TGFBR3: variants seen among roughly 807,000 people sequenced by gnomAD.
TGFBR3 encodes transforming growth factor beta receptor type 3.
A neutral mutation model predicts 87.9 loss-of-function variants in TGFBR3; 46 were observed. That is an observed-to-expected ratio of 0.52 (90% confidence interval 0.41 to 0.67). TGFBR3 has a LOEUF of 0.67. TGFBR3 is among the 30% of genes least tolerant of loss of function. The pLI is 0.00. For synonymous variants in TGFBR3, 381 were observed against 391.6 expected, an observed-to-expected ratio of 0.97 and a Z score of 0.32; for missense variants, 866 against 1,041.9, an observed-to-expected ratio of 0.83 and a Z score of 2.32.
intron 4 of TGFBR3, among the ~76,000 whole-genome samples, chr1:91,735,567 T>C (rs1249168890): frequency 6.6e-6 from 1 of 152,248 alleles, no homozygotes; most frequent in Non-Finnish European, 1.5e-5. Context: ...TGTAACAGTT[T>C]ATTGTGTAAG....
chr1:91,689,840 TAAA>T lies in TGFBR3; in HGVS notation c.2437+5829_2437+5831del, dbSNP rs545760131. On this transcript the variant is annotated intron_variant, in intron 16 of 16. Transcript: ENST00000212355. Reference sequence around the variant, plus strand: ...CAAGGACTCCCTTTAAGAAACTGATTAAAAAAAAAAAAAAAAAAAAAAAAGCAA... The same window carrying T: ...CAAGGACTCCCTTTAAGAAACTGATTAAAAAAAAAAAAAAAAAAAAAGCAA... Among the ~76,000 whole-genome samples, 825 of 99,234 alleles carry T rather than the reference TAAA, an allele frequency of 8.3e-3. 9 individuals carry two copies. Among genetic ancestry groups the T allele is most frequent in the African/African-American group, 0.027 (742 of 27,364 alleles). 65.1% of individuals were successfully genotyped at this position (99,234 alleles called of 152,430 possible).
chr1:91,699,728 G>C lies in TGFBR3; in HGVS notation c.2288-1598C>G, dbSNP rs144795485. 3.5e-3 allele frequency among the ~76,000 whole-genome samples: 529 copies of C among 152,298 alleles called. 7 individuals carry two copies. Among genetic ancestry groups the C allele is most frequent in the Non-Finnish European group, 1.8e-3 (124 of 68,020 alleles). On this transcript the variant is annotated intron_variant, in intron 14 of 16. Coordinates refer to ENST00000212355, the MANE Select transcript of TGFBR3 (RefSeq NM_003243.5). ...CTGATATCGTGTGACTAGAGCCCAA[G>C]GTCACAGCTGGAAAGCATCAGGGCA...
At chr1:91,839,324 A>G (rs1677182439) in intron 2 of TGFBR3, among the ~76,000 whole-genome samples, 1 of 152,150 alleles carries the variant, frequency 6.6e-6, no homozygotes, top group Non-Finnish European at 1.5e-5. Context: ...CTTCTTTACT[A>G]TTACACCTAA....
upstream of TGFBR3, among the ~76,000 whole-genome samples, chr1:91,890,577 G>A (rs1381868691): frequency 6.6e-6 from 1 of 151,540 alleles, no homozygotes; most frequent in East Asian, 1.9e-4. Flanking sequence ...ACGCCACCAC[G>A]CCCTGCTAAT....
chr1:91,804,199 C>T (rs567895657), intron 2 of TGFBR3, among the ~76,000 whole-genome samples: 50 of 152,262 alleles, frequency 3.3e-4, no homozygotes, highest in Admixed American at 5.2e-4. Context: ...AAAACACCAA[C>T]CATGAAATGA....
intron 1 of TGFBR3, among the ~76,000 whole-genome samples, chr1:91,867,811 C>G (rs1390759749): frequency 6.6e-6 from 1 of 152,152 alleles, no homozygotes; most frequent in Non-Finnish European, 1.5e-5. Context: ...GTCATTTAGC[C>G]CCTACCACGC....
chr1:91,900,260 T>A (rs1679683367), intron 1 of TGFBR3, among the ~76,000 whole-genome samples: 1 of 152,112 alleles, frequency 6.6e-6, no homozygotes, highest in Admixed American at 6.6e-5. Context: ...ACTACAGGCG[T>A]GTGCCACCAC....
At chr1:91,903,624 G>A (rs975034408) in intron 1 of TGFBR3, among the ~76,000 whole-genome samples, 4 of 151,846 alleles carry the variant, frequency 2.6e-5, no homozygotes, top group African/African-American at 9.7e-5. Flanking sequence ...GTCTCTGCAG[G>A]TACTTGGGAG....
Position 91,871,266 on chromosome 1 carries a change from G to A in TGFBR3, c.-113-9622C>T, listed in dbSNP as rs542099533. The stretch of plus-strand genomic sequence containing the variant: ...CCTGCATGGACACTCACTTTCTGGT[G>A]GTGGGTAGTCTGATGAGATCTGGCA... On this transcript the variant is annotated intron_variant, in intron 1 of 16. Transcript: ENST00000212355. Among the ~76,000 whole-genome samples the A allele has an allele frequency of 2.0e-5, 3 of 152,302 alleles. No individual in the cohort carries two copies. The South Asian group carries it at 6.2e-4, about 32-fold the overall frequency.
At chr1:91,773,451 G>A (rs971486841) in intron 3 of TGFBR3, among the ~76,000 whole-genome samples, 17 of 152,134 alleles carry the variant, frequency 1.1e-4, no homozygotes, top group African/African-American at 3.4e-4. Flanking sequence ...AGGCCAAGGC[G>A]GGCAGATCAC....
intron 3 of TGFBR3, among the ~76,000 whole-genome samples, chr1:91,760,649 G>A (rs893428144): frequency 1.3e-5 from 2 of 152,144 alleles, no homozygotes; most frequent in East Asian, 3.9e-4. Flanking sequence ...TCTGCACACA[G>A]CTAGGATCAT....
At chr1:91,885,365 G>C (rs1012588248) in intron 1 of TGFBR3, among the ~76,000 whole-genome samples, 1 of 137,932 alleles carries the variant, frequency 7.2e-6, no homozygotes, top group African/African-American at 2.7e-5. Flanking sequence ...ACCGGGGCGG[G>C]GGGGGGCCGA....
chr1:91,861,525 A>C lies in TGFBR3; in HGVS notation c.7T>G (p.Ser3Ala). The change falls in exon 2 of 17, where the codon TCC becomes GCC. Residue 3 changes from serine to alanine, a missense_variant. Transcript: ENST00000212355. ...GCAAAGATGGCAATCACATAATGGGAAGTCATTTTTATTTCTCCAACAGTG... is the reference window on the plus strand; with the variant it reads ...GCAAAGATGGCAATCACATAATGGGCAGTCATTTTTATTTCTCCAACAGTG... MT[S>A]HYVIAIFALM... The C allele has an allele frequency of 6.2e-7, 1 of 1,613,686 alleles. No homozygotes were observed.
intron 12 of TGFBR3, among the ~76,000 whole-genome samples, chr1:91,713,822 A>G (rs1473208341): frequency 1.3e-5 from 2 of 152,148 alleles, no homozygotes; most frequent in African/African-American, 2.4e-5. Context: ...GGCAAATTAC[A>G]TATGTGCTAT....
At chr1:91,800,458 C>A (rs1259982219) in intron 2 of TGFBR3, among the ~76,000 whole-genome samples, 1 of 150,286 alleles carries the variant, frequency 6.7e-6, no homozygotes, top group Admixed American at 6.6e-5. Flanking sequence ...TGCAGTAAGC[C>A]GTGATCACAC....
intron 5 of TGFBR3, among the ~76,000 whole-genome samples, chr1:91,730,615 C>T (rs1672733438): frequency 6.6e-6 from 1 of 152,204 alleles, no homozygotes; most frequent in Non-Finnish European, 1.5e-5. Context: ...ACATTCAATC[C>T]ATTCTATCCC....
chr1:91,748,465 T>C (rs1288372524), intron 4 of TGFBR3, among the ~76,000 whole-genome samples: 1 of 152,178 alleles, frequency 6.6e-6, no homozygotes, highest in Non-Finnish European at 1.5e-5. Flanking sequence ...AAATCTTTAT[T>C]CAAGTGAAAT....
chr1:91,683,287 C>G lies in TGFBR3; in HGVS notation c.*452G>C, dbSNP rs1429647320. The G allele has an allele frequency of 2.2e-6, 1 of 456,918 alleles. No individual in the cohort carries two copies. The highest frequency in any genetic ancestry group is 2.0e-5 in the African/African-American group (1 of 50,238). The allele number at this position is 456,918 out of a possible 1,614,324, so 28.3% of individuals were successfully genotyped here. A position where few individuals can be genotyped will look rare whatever the true frequency, so the allele number is the denominator to read the frequency against. ...CCTCAAAGCATTTCTTGTTTTACAT[C>G]TTGGTTCAGATATAAAGAATCTTTG... is the stretch of plus-strand genomic sequence containing the variant. On this transcript the variant is annotated 3_prime_UTR_variant, in exon 17 of 17. Coordinates refer to ENST00000212355, the MANE Select transcript of TGFBR3 (RefSeq NM_003243.5).
intron 8 of TGFBR3, among the ~76,000 whole-genome samples, 172 bp downstream of exon 8, chr1:91,721,783 G>T (rs924610057): frequency 3.9e-5 from 6 of 152,100 alleles, no homozygotes; most frequent in African/African-American, 1.4e-4. Context: ...CTGTATTACA[G>T]TTTCCTCAAA....
Sources: gnomAD v4.1 joint callset for allele counts (sites outside exome capture counted in the v4.1 genomes callset) on GRCh38, gnomAD v4.1.1 for gene constraint, MANE v1.5 for transcripts, NCBI Gene and HGNC (gene_info 2026-07-23, HGNC 2026-07-21) for gene names.